Variants in GALNT16 observed in about 807,000 individuals in gnomAD.
GALNT16 encodes the protein UDP-GalNAc:polypeptide N-acetylgalactosaminyltransferase-like protein 1.
A neutral mutation model predicts 76.1 loss-of-function variants in GALNT16; 40 were observed. That is an observed-to-expected ratio of 0.53 (90% CI 0.41 to 0.68). The LOEUF is 0.68. GALNT16 is among the 30% of genes least tolerant of loss of function. The pLI is 0.00. For synonymous variants in GALNT16, 276 were observed against 285.2 expected, an observed-to-expected ratio of 0.97 and a Z score of 0.32; for missense variants, 621 against 731.9, an observed-to-expected ratio of 0.85 and a Z score of 1.75.
intron 2 of GALNT16, among the ~76,000 whole-genome samples, chr14:69,323,527 G>C (rs1386128240): frequency 1.3e-5 from 2 of 152,180 alleles, no homozygotes; most frequent in African/African-American, 2.4e-5. Flanking sequence ...AGCACTGGGA[G>C]GGTGCACACT....
chr14:69,383,330 A>G, the GALNT16 span, among the ~76,000 whole-genome samples: 1 of 152,238 alleles, frequency 6.6e-6, no homozygotes, highest in African/African-American at 2.4e-5. Context: ...GTTTAAAAAG[A>G]ATTAATTTAA....
chr14:69,329,032 C>T (rs934707964), intron 6 of GALNT16, among the ~76,000 whole-genome samples: 3 of 152,148 alleles, frequency 2.0e-5, no homozygotes, highest in Non-Finnish European at 2.9e-5. Flanking sequence ...GATAACAACC[C>T]GACCATAAAA....
At chr14:69,320,404 A>G (rs2045160274) in intron 1 of GALNT16, among the ~76,000 whole-genome samples, 1 of 152,074 alleles carries the variant, frequency 6.6e-6, no homozygotes, top group South Asian at 2.1e-4. Flanking sequence ...CTGAGACAGG[A>G]GAATCGCTTC....
chr14:69,294,268 C>T (rs549253675), intron 1 of GALNT16, among the ~76,000 whole-genome samples: 1 of 152,060 alleles, frequency 6.6e-6, no homozygotes, highest in Admixed American at 6.6e-5. Flanking sequence ...ATTACAGGTG[C>T]GTGCCACTGC....
chr14:69,326,818 TG>T lies in GALNT16; in HGVS notation c.568+795del, dbSNP rs1397516104. ...GTGCCTGTTGTACAGACAAGGGAAC[TG>T]GGGTTTAAGGAGCTTCAGCGATTTG... On this transcript the variant is annotated intron_variant, in intron 5 of 14. Coordinates refer to ENST00000448469, the MANE Select transcript of GALNT16 (RefSeq NM_001168368.2). Among the ~76,000 whole-genome samples the T allele has an allele frequency of 3.9e-5, 6 of 152,294 alleles. No individual in the cohort carries two copies. The East Asian group carries it at 9.6e-4, about 24-fold the overall frequency.
intron 1 of GALNT16, among the ~76,000 whole-genome samples, chr14:69,297,507 T>C (rs1446840332): frequency 6.6e-6 from 1 of 152,162 alleles, no homozygotes; most frequent in Non-Finnish European, 1.5e-5. Flanking sequence ...TCACATACTA[T>C]ACAATTCACC....
chr14:69,365,696 G>A, the GALNT16 span, among the ~76,000 whole-genome samples: 1 of 152,046 alleles, frequency 6.6e-6, no homozygotes, highest in African/African-American at 2.4e-5. Context: ...CTAGGTGATG[G>A]GATGATCTGT....
intron 12 of GALNT16, among the ~76,000 whole-genome samples, chr14:69,341,997 C>T (rs747454468): frequency 1.3e-5 from 2 of 152,142 alleles, no homozygotes; most frequent in Non-Finnish European, 2.9e-5. Flanking sequence ...TAGATATGGA[C>T]GTTATCCCCT....
At chr14:69,285,242 G>T (rs960720068) in intron 1 of GALNT16, among the ~76,000 whole-genome samples, 1 of 151,910 alleles carries the variant, frequency 6.6e-6, no homozygotes. Flanking sequence ...GGGTTTCACC[G>T]TGTTAGCCAG....
At chr14:69,328,768 G>A (rs1355626106) in intron 6 of GALNT16, among the ~76,000 whole-genome samples, 197 bp downstream of exon 6, 3 of 152,198 alleles carry the variant, frequency 2.0e-5, no homozygotes, top group Admixed American at 2.0e-4. Context: ...TTATCCCACT[G>A]GGTTATTGTG....
intron 6 of GALNT16, among the ~76,000 whole-genome samples, chr14:69,329,027 C>T (rs1041378957): frequency 6.6e-6 from 1 of 152,192 alleles, no homozygotes; most frequent in Non-Finnish European, 1.5e-5. Context: ...GAGGTGATAA[C>T]AACCCGACCA....
At chr14:69,366,954 T>C in the GALNT16 span, among the ~76,000 whole-genome samples, 1 of 152,184 alleles carries the variant, frequency 6.6e-6, no homozygotes, top group East Asian at 1.9e-4. Flanking sequence ...GATTAGGTTA[T>C]CATGGAAGGC....
At chr14:69,365,616 C>T in the GALNT16 span, among the ~76,000 whole-genome samples, 1 of 152,040 alleles carries the variant, frequency 6.6e-6, no homozygotes. Flanking sequence ...CACTCTGCAG[C>T]CTGTTGGAGG....
At chr14:69,272,694 A>G (rs1157642621) in intron 1 of GALNT16, among the ~76,000 whole-genome samples, 1 of 152,208 alleles carries the variant, frequency 6.6e-6, no homozygotes, top group Non-Finnish European at 1.5e-5. Flanking sequence ...TGCAAGCTCC[A>G]TTCATGGTAT....
intron 1 of GALNT16, among the ~76,000 whole-genome samples, chr14:69,298,142 CCT>C (rs1437143541): frequency 3.3e-5 from 5 of 152,240 alleles, no homozygotes; most frequent in Non-Finnish European, 7.3e-5. Flanking sequence ...GAAAGCAGCC[CCT>C]CTCTCAGGAA....
chr14:69,337,961 A>C (rs546781461), intron 9 of GALNT16, among the ~76,000 whole-genome samples: 17 of 152,360 alleles, frequency 1.1e-4, no homozygotes, highest in South Asian at 2.1e-4. Flanking sequence ...GCCAGCTGTC[A>C]AGGTGGGTCC....
chr14:69,270,773 C>T (rs552597913), intron 1 of GALNT16, among the ~76,000 whole-genome samples: 4 of 152,254 alleles, frequency 2.6e-5, no homozygotes, highest in Admixed American at 2.0e-4. Flanking sequence ...TAGGGAGATG[C>T]GGGGCATGTG....
intron 11 of GALNT16, among the ~76,000 whole-genome samples, chr14:69,340,234 T>C (rs529618037): frequency 1.3e-5 from 2 of 152,294 alleles, no homozygotes; most frequent in African/African-American, 4.8e-5. Context: ...ACATGTACAG[T>C]TGCCCCTCTG....
downstream of GALNT16, chr14:69,358,552 C>T (rs571367209): frequency 1.2e-4 from 19 of 153,370 alleles, no homozygotes; most frequent in East Asian, 3.1e-3. Flanking sequence ...CTTGGGTGTG[C>T]GGTGTGGCCT....
Sources: gnomAD v4.1 joint callset for allele counts (sites outside exome capture counted in the v4.1 genomes callset) on GRCh38, gnomAD v4.1.1 for gene constraint, MANE v1.5 for transcripts, NCBI Gene and HGNC (gene_info 2026-07-23, HGNC 2026-07-21) for gene names.